The following ITGA4 variants were observed in gnomAD, a reference collection of about 807,000 sequenced individuals.
The protein encoded by ITGA4 is integrin alpha-4.
In ITGA4, 63 loss-of-function variants were observed where a neutral mutation model predicts 133.6. That is an observed-to-expected ratio of 0.47 (90% CI 0.38 to 0.58). ITGA4 has a LOEUF of 0.58. Ranked by LOEUF, ITGA4 falls within the 20% of genes least tolerant of loss-of-function variation. ITGA4 has a pLI of 0.00. For synonymous variants in ITGA4, 483 were observed against 438.0 expected (o/e 1.10, Z -1.28); for missense variants, 1,076 against 1,252.7 (o/e 0.86, Z 2.13).
At chr2:181,527,269 T>C in intron 21 of ITGA4, 28 bp from the exon 22 acceptor site, 1 of 1,277,810 alleles carries the variant, frequency 7.8e-7, no homozygotes, top group South Asian at 1.2e-5. Flanking sequence ...ATAAGACAGT[T>C]AATTAAATTT....
chr2:181,494,855 C>A, intron 12 of ITGA4, 43 bp downstream of exon 12: 1 of 996,726 alleles, frequency 1.0e-6, no homozygotes, highest in South Asian at 1.3e-5. Context: ...GGAATAAGCT[C>A]TATCATAGAT....
Position 181,509,678 on chromosome 2 carries a change from C to T in ITGA4, c.1716C>T (p.Leu572=), listed in dbSNP as rs199612041. ...CTTAGAAAGATGTGCGGGACATCCTCACCCCAATTCAGATTGAAGCTGCTT... is the reference window on the plus strand; with the variant it reads ...CTTAGAAAGATGTGCGGGACATCCTTACCCCAATTCAGATTGAAGCTGCTT... ...AFMRKDVRDI[L]TPIQIEAAYH... is the part of the protein sequence containing the mutation. The change falls in exon 16 of 28, where the codon CTC becomes CTT. Residue 572 remains leucine, a synonymous_variant. Coordinates refer to ENST00000397033, the MANE Select transcript of ITGA4 (RefSeq NM_000885.6). 7.9e-5 allele frequency: 126 copies of T among 1,596,532 alleles called. No individual in the cohort carries two copies. Among genetic ancestry groups the T allele is most frequent in the Non-Finnish European group, 1.0e-4 (117 of 1,172,726 alleles).
chr2:181,520,176 G>C (rs1686689256), intron 17 of ITGA4, among the ~76,000 whole-genome samples: 1 of 152,114 alleles, frequency 6.6e-6, no homozygotes, highest in South Asian at 2.1e-4. Flanking sequence ...GGTGAAGGTG[G>C]TTAACAGTGA....
rs1685147930 is a variant in ITGA4, at chr2:181,457,464, G to A, written c.-191G>A. 1 of 573,220 alleles carries A rather than the reference G, an allele frequency of 1.7e-6. No homozygotes were observed. The highest frequency in any genetic ancestry group is 3.0e-6 in the Non-Finnish European group (1 of 331,236). 35.5% of individuals were successfully genotyped at this position (573,220 alleles called of 1,614,324 possible). A position where few individuals can be genotyped will look rare whatever the true frequency, so the allele number is the denominator to read the frequency against. On this transcript the variant is annotated 5_prime_UTR_variant, in exon 1 of 28. Transcript: ENST00000397033. ...GCCGGGCGAGTGCGCGGCATCCCAG[G>A]CCGGCCCGAACGCTCCGCCCGCGGT...
At chr2:181,464,671 A>G (rs1425009789) in intron 2 of ITGA4, among the ~76,000 whole-genome samples, 1 of 152,064 alleles carries the variant, frequency 6.6e-6, no homozygotes, top group Non-Finnish European at 1.5e-5. Context: ...TCTTTTTCAC[A>G]TTTGGGCAAA....
chr2:181,495,423 C>T lies in ITGA4; in HGVS notation c.1385+7C>T, dbSNP rs1316687749. Reference sequence around the variant, plus strand: ...ATTCTGCTGTCTTGCTAAGGTAAGACTGATATATTTCACTGCTTAATTGCA... The same window carrying T: ...ATTCTGCTGTCTTGCTAAGGTAAGATTGATATATTTCACTGCTTAATTGCA... On this transcript the variant is annotated splice_region_variant and intron_variant, in intron 13 of 27. Transcript: ENST00000397033. The surrounding 1 kb of genome is among the most constrained non-coding windows in gnomAD (Gnocchi z 4.3). 1 of 1,599,348 alleles carries T rather than the reference C, an allele frequency of 6.3e-7. No homozygotes were observed. The highest frequency in any genetic ancestry group is 8.6e-7 in the Non-Finnish European group (1 of 1,166,966).
At chr2:181,485,832 G>A (rs199510026) in intron 9 of ITGA4, 49 bp from the exon 10 acceptor site, 18 of 1,451,730 alleles carry the variant, frequency 1.2e-5, no homozygotes, top group Non-Finnish European at 1.7e-5. Context: ...ATCGTGTAAA[G>A]TTGTCAGGGA....
At chr2:181,460,535 GTAAA>G (rs1412088327) in intron 2 of ITGA4, among the ~76,000 whole-genome samples, 2 of 150,440 alleles carry the variant, frequency 1.3e-5, no homozygotes, top group Non-Finnish European at 3.0e-5. Context: ...AAGAGTGTGT[GTAAA>G]TATATATAAG....
At chr2:181,478,707 G>A (rs1456972738) in intron 4 of ITGA4, 50 bp from the exon 5 acceptor site, 2 of 787,126 alleles carry the variant, frequency 2.5e-6, no homozygotes, top group East Asian at 2.9e-5. Flanking sequence ...AAATTATGGA[G>A]ATTTTATCTT....
chr2:181,480,625 G>A (rs1051800373), intron 6 of ITGA4, among the ~76,000 whole-genome samples: 1 of 152,072 alleles, frequency 6.6e-6, no homozygotes, highest in Non-Finnish European at 1.5e-5. Context: ...AACTTTTTGT[G>A]AGAACTTTAC....
intron 26 of ITGA4, 37 bp from the exon 27 acceptor site, chr2:181,534,779 T>TTG (rs781565142): frequency 6.1e-5 from 94 of 1,545,660 alleles, no homozygotes; most frequent in Non-Finnish European, 7.8e-5. Context: ...GATTTTTTTT[T>TTG]TTGGTTTTTG....
At chr2:181,480,101 A>T (rs1685769874) in intron 5 of ITGA4, 36 bp from the exon 6 acceptor site, 1 of 1,478,788 alleles carries the variant, frequency 6.8e-7, no homozygotes, top group Non-Finnish European at 9.0e-7. Flanking sequence ...TGGTGAGATT[A>T]AAGTTTAAAT....
intron 15 of ITGA4, among the ~76,000 whole-genome samples, chr2:181,508,089 T>C (rs1470282261): frequency 2.6e-5 from 4 of 152,072 alleles, no homozygotes; most frequent in African/African-American, 9.7e-5. Context: ...AGAAAATATT[T>C]TTAAAAGAAA....
At chr2:181,503,470 A>G (rs1313949940) in intron 15 of ITGA4, among the ~76,000 whole-genome samples, 1 of 151,720 alleles carries the variant, frequency 6.6e-6, no homozygotes, top group African/African-American at 2.4e-5. Context: ...AGTTTTCTTA[A>G]GTCTAATCAT....
At chr2:181,525,121 G>GGT (rs1291012758) in intron 20 of ITGA4, 81 bp from the exon 21 acceptor site, 18 of 759,940 alleles carry the variant, frequency 2.4e-5, no homozygotes, top group Non-Finnish European at 4.0e-5. Context: ...GAGTATATTA[G>GGT]GTATACAGGG....
chr2:181,514,431 C>T (rs1300601691), intron 17 of ITGA4, among the ~76,000 whole-genome samples: 1 of 151,964 alleles, frequency 6.6e-6, no homozygotes, highest in East Asian at 1.9e-4. Context: ...AAAGCCTTGA[C>T]CTATTTGATT....
chr2:181,516,759 G>A lies in ITGA4; in HGVS notation c.1922+4984G>A, dbSNP rs1686614518. Reference sequence around the variant, plus strand: ...TGCTGCCTGTCACCTGAATAATCTAGGGCTCTGTTGGCAGCTAAGAAGGGA... The same window carrying A: ...TGCTGCCTGTCACCTGAATAATCTAAGGCTCTGTTGGCAGCTAAGAAGGGA... On this transcript the variant is annotated intron_variant, in intron 17 of 27. Coordinates refer to ENST00000397033, the MANE Select transcript of ITGA4 (RefSeq NM_000885.6). The surrounding 1 kb of genome is among the most constrained non-coding windows in gnomAD (Gnocchi z 4.0). Among the ~76,000 whole-genome samples, 1 of 152,010 alleles carries A rather than the reference G, an allele frequency of 6.6e-6. No individual in the cohort carries two copies. The highest frequency in any genetic ancestry group is 2.4e-5 in the African/African-American group (1 of 41,400).
Position 181,493,453 on chromosome 2 carries a change from G to T in ITGA4, c.1248+34G>T, listed in dbSNP as rs755593428. ...CTATTCTATTTCCAAAAGAAGCATT[G>T]GTTATAATGCATATCCTTAAAACTT... On this transcript the variant is annotated intron_variant, in intron 11 of 27. Transcript: ENST00000397033. The T allele has an allele frequency of 4.6e-6, 6 of 1,308,826 alleles. 1 individual carries two copies. Among genetic ancestry groups the T allele is most frequent in the Middle Eastern group, 1.8e-4 (1 of 5,416 alleles). The allele number at this position is 1,308,826 out of a possible 1,614,324, so 81.1% of individuals were successfully genotyped here. A position where few individuals can be genotyped will look rare whatever the true frequency, so the allele number is the denominator to read the frequency against.
At chr2:181,487,773 C>A (rs1453695361) in intron 10 of ITGA4, among the ~76,000 whole-genome samples, 1 of 152,036 alleles carries the variant, frequency 6.6e-6, no homozygotes, top group African/African-American at 2.4e-5. Context: ...AATAGTGGCA[C>A]CCTTTTTTAT....
Sources: allele counts gnomAD v4.1 joint callset (sites outside exome capture counted in the v4.1 genomes callset), GRCh38; gene constraint gnomAD v4.1.1; non-coding constraint Gnocchi (gnomAD v3.1); transcripts MANE v1.5; gene names NCBI Gene and HGNC (gene_info 2026-07-23, HGNC 2026-07-21).